Variants in ADGRV1 observed in about 807,000 individuals in gnomAD.
ADGRV1 encodes the protein adhesion G protein-coupled receptor V1, also known as G-protein coupled receptor 98.
Under a neutral mutation model 596.2 loss-of-function variants are expected in ADGRV1, and 359 were observed. That is an observed-to-expected ratio of 0.60 (90% CI 0.55 to 0.66). The LOEUF is 0.66. Among genes scored for constraint, ADGRV1 ranks in the 30% least tolerant of loss-of-function variants. The pLI is 0.00. For missense variants in ADGRV1, 7,274 were observed against 7,575.6 expected (o/e 0.96, Z 1.48); for synonymous variants, 2,681 against 2,679.2 (o/e 1.00, Z -0.02).
At position 90,965,454 on chromosome 5, in the gene ADGRV1, G is replaced by A. The variant is rs200380522; in HGVS notation, c.17896G>A (p.Ala5966Thr). 67 of 1,613,630 alleles carry A rather than the reference G, an allele frequency of 4.2e-5. No homozygotes were observed. The highest frequency in any genetic ancestry group is 1.9e-4 in the South Asian group (17 of 91,056). The change falls in exon 84 of 90, where the codon GCT becomes ACT. Residue 5966 changes from alanine (A) to threonine (T), a missense_variant. Around this residue, in one of 5 missense-constraint regions of ADGRV1, gnomAD observed 1,874 missense variants for 1,970.2 expected, o/e 0.95. Coordinates refer to ENST00000405460, the MANE Select transcript of ADGRV1 (RefSeq NM_032119.4). The stretch of plus-strand genomic sequence containing the variant: ...GTCTGCATACGCAAGTCCCCAACTC[G>A]CTGAGGAGAGCTGTTCAGCTATGGC... ...LASAYASPQL[A>T]EESCSAMAAV... is the part of the protein sequence containing the mutation.
chr5:90,766,120 A>G (rs1757110581), intron 59 of ADGRV1, among the ~76,000 whole-genome samples: 2 of 152,224 alleles, frequency 1.3e-5, no homozygotes, highest in East Asian at 1.9e-4. Context: ...TGTGTTAGCC[A>G]GGATGGTCTT....
intron 17 of ADGRV1, among the ~76,000 whole-genome samples, 193 bp from the exon 18 acceptor site, chr5:90,651,407 ATGTT>A (rs1768606453): frequency 1.3e-5 from 2 of 151,998 alleles, no homozygotes; most frequent in African/African-American, 4.8e-5. Context: ...CTTTGTATGT[ATGTT>A]TGTACTTATG....
At chr5:90,802,955 T>C in intron 71 of ADGRV1, 73 bp downstream of exon 71, 1 of 1,311,596 alleles carries the variant, frequency 7.6e-7, no homozygotes, top group Admixed American at 2.9e-5. Flanking sequence ...CGGAGACTCT[T>C]AGAGCTAGAA....
intron 83 of ADGRV1, among the ~76,000 whole-genome samples, chr5:90,884,232 A>G (rs954886090): frequency 1.3e-5 from 2 of 152,014 alleles, no homozygotes; most frequent in Non-Finnish European, 2.9e-5. Context: ...CCAGTAGCAC[A>G]CTTCCCCTAA....
intron 83 of ADGRV1, among the ~76,000 whole-genome samples, chr5:90,946,241 C>G (rs1313725631): frequency 6.6e-6 from 1 of 151,842 alleles, no homozygotes; most frequent in Non-Finnish European, 1.5e-5. Flanking sequence ...GAGTAATGGG[C>G]ACAGTGGTAT....
intron 86 of ADGRV1, among the ~76,000 whole-genome samples, chr5:91,078,654 G>A (rs556225523): frequency 5.3e-4 from 81 of 152,288 alleles, no homozygotes; most frequent in African/African-American, 1.8e-3. Flanking sequence ...GAAACCCCAC[G>A]CTGGCCATGT....
chr5:90,960,393 C>T (rs866783388), intron 83 of ADGRV1, among the ~76,000 whole-genome samples: 39 of 152,156 alleles, frequency 2.6e-4, no homozygotes, highest in Middle Eastern at 6.8e-3. Context: ...TGTTCAAACT[C>T]GATAGAATTC....
intron 53 of ADGRV1, among the ~76,000 whole-genome samples, chr5:90,752,624 C>T (rs1755392899): frequency 6.6e-6 from 1 of 152,192 alleles, no homozygotes; most frequent in African/African-American, 2.4e-5. Flanking sequence ...CTGCAAAAGA[C>T]ATGATCTCAT....
chr5:91,001,638 C>T (rs1355413472), intron 85 of ADGRV1, among the ~76,000 whole-genome samples: 13 of 151,886 alleles, frequency 8.6e-5, no homozygotes, highest in Admixed American at 8.5e-4. Flanking sequence ...TTGTAGTATT[C>T]GATGAAAATA....
intron 20 of ADGRV1, among the ~76,000 whole-genome samples, chr5:90,656,177 T>C (rs1769383130): frequency 6.6e-6 from 1 of 152,202 alleles, no homozygotes. Flanking sequence ...AGAGAATTAG[T>C]CATAGAAGCA....
At chr5:90,787,921 C>T in intron 67 of ADGRV1, 150 bp from the exon 68 acceptor site, 1 of 540,464 alleles carries the variant, frequency 1.9e-6, no homozygotes, top group East Asian at 3.2e-5. Context: ...CAAAAAAAAA[C>T]AAGTTTATGA....
chr5:90,845,590 T>A lies in ADGRV1; in HGVS notation c.17020-3047T>A, dbSNP rs550230597. On this transcript the variant is annotated intron_variant, in intron 78 of 89. Transcript: ENST00000405460. ...TGTTGGTAATTTTTTTCCTGTCTGG[T>A]TTCTGGTATGATTTTTTTTTTACTC... Among the ~76,000 whole-genome samples the A allele has an allele frequency of 2.6e-5, 4 of 151,780 alleles. No individual in the cohort carries two copies. In the South Asian group the frequency reaches 8.3e-4, roughly 31 times the overall value.
intron 85 of ADGRV1, among the ~76,000 whole-genome samples, chr5:91,025,314 A>G (rs997786996): frequency 1.3e-5 from 2 of 151,126 alleles, no homozygotes; most frequent in Non-Finnish European, 2.9e-5. Flanking sequence ...AGAAGCAATA[A>G]TATTGCCTAA....
chr5:90,973,625 GA>G (rs1436834076), intron 84 of ADGRV1, among the ~76,000 whole-genome samples: 1 of 152,186 alleles, frequency 6.6e-6, no homozygotes, highest in African/African-American at 2.4e-5. Flanking sequence ...AACAGATGCA[GA>G]AAAGGCCTTT....
At chr5:90,656,903 T>C (rs1769485244) in intron 20 of ADGRV1, among the ~76,000 whole-genome samples, 1 of 152,146 alleles carries the variant, frequency 6.6e-6, no homozygotes, top group Admixed American at 6.5e-5. Context: ...TTGGGCTACA[T>C]GTTATTATTA....
chr5:90,595,025 C>T (rs1463365586), intron 1 of ADGRV1, among the ~76,000 whole-genome samples: 58 of 144,996 alleles, frequency 4.0e-4, no homozygotes, highest in African/African-American at 8.0e-4. Context: ...GGGTGGTGGC[C>T]GGGCAGAGGG....
At position 90,828,932 on chromosome 5, in the gene ADGRV1, TC is replaced by T. The variant is rs1581250690; in HGVS notation, c.16369-11del. On this transcript the variant is annotated splice_polypyrimidine_tract_variant and intron_variant, in intron 76 of 89. Transcript: ENST00000405460. ...GTAATAGTTGTTTTTTTTTCCTTTT[TC>T]TCATTGTCAGGTACCACAGGTTGAA... 6 of 1,528,934 alleles carry T rather than the reference TC, an allele frequency of 3.9e-6. No homozygotes were observed. The highest frequency in any genetic ancestry group is 1.4e-5 in the South Asian group (1 of 73,906). The allele number at this position is 1,528,934 out of a possible 1,614,324, so 94.7% of individuals were successfully genotyped here.
Position 90,643,009 on chromosome 5 carries a change from A to G in ADGRV1, c.2521A>G (p.Thr841Ala), listed in dbSNP as rs1363250083. 1.9e-6 allele frequency: 3 copies of G among 1,613,408 alleles called. No individual in the cohort carries two copies. The African/African-American group carries it at 4.0e-5, about 22-fold the overall frequency. ...ACCTGGAGAAAGGGAGATAGTGATC[A>G]CCTTGCTAGCAAGATTGGATGGGAT... ...FKPGEREIVI[T>A]LLARLDGIPE... Residue 841 changes from threonine to alanine, a missense_variant, in exon 13 of 90, where the codon ACC (threonine) becomes GCC (alanine). Thr to Ala is a moderately conservative substitution (Grantham distance 58, BLOSUM62 0). Transcript: ENST00000405460.
chr5:90,596,776 C>T (rs371886360), intron 1 of ADGRV1, among the ~76,000 whole-genome samples: 52 of 151,990 alleles, frequency 3.4e-4, no homozygotes, highest in African/African-American at 1.1e-3. Flanking sequence ...AGAGGGTGAC[C>T]GTGGAAAGAG....
Sources: allele counts gnomAD v4.1 joint callset (sites outside exome capture counted in the v4.1 genomes callset), GRCh38; gene constraint gnomAD v4.1.1; regional missense constraint gnomAD v4.1.1; transcripts MANE v1.5; gene names NCBI Gene and HGNC (gene_info 2026-07-23, HGNC 2026-07-21).